The following ZNF112 variants were observed in gnomAD, a reference collection of about 807,000 sequenced individuals.
ZNF112 encodes the protein zinc finger protein 112 (Y14).
ZNF112 carries 37 observed loss-of-function variants against 77.7 expected under a neutral mutation model. The observed-to-expected ratio is 0.48, with a 90% CI of 0.37 to 0.63. The LOEUF (loss-of-function observed/expected upper bound fraction) is 0.63, where lower values mean the gene tolerates loss of function less well. ZNF112 is among the 20% of genes least tolerant of loss of function. ZNF112 has a pLI of 0.00. For missense variants in ZNF112, 950 were observed against 1,077.4 expected, an observed-to-expected ratio of 0.88 and a Z score of 1.66; for synonymous variants, 333 against 363.6, an observed-to-expected ratio of 0.92 and a Z score of 0.96.
chr19:44,340,570 G>C (rs1970471878), intron 1 of ZNF112, 28 bp from the exon 2 acceptor site: 19 of 1,613,306 alleles, frequency 1.2e-5, no homozygotes, highest in Non-Finnish European at 1.6e-5. Flanking sequence ...TGCACACTAA[G>C]TTTACAGAAG....
intron 3 of ZNF112, among the ~76,000 whole-genome samples, chr19:44,333,674 C>T (rs992363089): frequency 4.6e-5 from 7 of 152,294 alleles, no homozygotes; most frequent in African/African-American, 1.7e-4. Context: ...GTAAAACATG[C>T]CTCCTTCCCC....
chr19:44,347,170 G>A (rs1163996478), intron 1 of ZNF112, among the ~76,000 whole-genome samples: 2 of 151,946 alleles, frequency 1.3e-5, no homozygotes, highest in Admixed American at 6.6e-5. Flanking sequence ...GGTGTCCCTC[G>A]GCATCCCTGG....
intron 1 of ZNF112, among the ~76,000 whole-genome samples, chr19:44,355,843 C>T (rs1231157434): frequency 2.0e-5 from 3 of 152,172 alleles, no homozygotes; most frequent in Non-Finnish European, 4.4e-5. Context: ...CAGAATTTGC[C>T]AGTGAATGAT....
chr19:44,356,828 T>C (rs982586933), upstream of ZNF112: 3 of 152,404 alleles, frequency 2.0e-5, no homozygotes, highest in East Asian at 1.9e-4. Context: ...TCCACTTATC[T>C]GCCTGCCTAG....
chr19:44,362,326 C>T (rs1472019514), intron 1 of ZNF112, among the ~76,000 whole-genome samples: 1 of 151,848 alleles, frequency 6.6e-6, no homozygotes, highest in Non-Finnish European at 1.5e-5. Context: ...CACTTGCAGA[C>T]ATTGAGAAAT....
Position 44,328,146 on chromosome 19 carries a change from C to T in ZNF112, c.2011G>A (p.Ala671Thr). Reference sequence around the variant, plus strand: ...CTCTGATGGGCCAAAAGTGTTGAGGCCTTACTGAAGCCTTTACCACATTCT... The same window carrying T: ...CTCTGATGGGCCAAAAGTGTTGAGGTCTTACTGAAGCCTTTACCACATTCT... ...CEECGKGFSK[A>T]STLLAHQRVH... The change falls in exon 4 of 4, where the codon GCC (alanine) becomes ACC (threonine). Residue 671 changes from alanine to threonine, a missense_variant. By Grantham distance (58) the Ala-to-Thr change is moderately conservative (BLOSUM62 0). This residue lies in a region of ZNF112 where 373 missense variants were observed against 482.8 expected (regional missense o/e 0.77). Transcript: ENST00000354340. 6.2e-7 allele frequency: 1 copy of T among 1,613,350 alleles called. No homozygotes were observed. Among genetic ancestry groups the T allele is most frequent in the Non-Finnish European group, 8.5e-7 (1 of 1,179,786 alleles).
At chr19:44,353,218 A>G (rs1260329142) in intron 1 of ZNF112, among the ~76,000 whole-genome samples, 1 of 152,102 alleles carries the variant, frequency 6.6e-6, no homozygotes, top group East Asian at 1.9e-4. Flanking sequence ...TATGTAAAGA[A>G]ATAAAACCCA....
At chr19:44,337,976 TAAAAA>T (rs145125077) in intron 2 of ZNF112, among the ~76,000 whole-genome samples, 1 of 104,534 alleles carries the variant, frequency 9.6e-6, no homozygotes. Flanking sequence ...ATTCCCCAGT[TAAAAA>T]AAAAAAAAAA....
chr19:44,335,993 A>T (rs1970358278), intron 3 of ZNF112, among the ~76,000 whole-genome samples: 1 of 152,198 alleles, frequency 6.6e-6, no homozygotes, highest in South Asian at 2.1e-4. Flanking sequence ...AGAGTATGGG[A>T]CAGAATGGGA....
intron 1 of ZNF112, among the ~76,000 whole-genome samples, chr19:44,352,890 G>GA (rs1970718331): frequency 6.6e-6 from 1 of 152,004 alleles, no homozygotes; most frequent in African/African-American, 2.4e-5. Context: ...CAATGAACTG[G>GA]AAAACTCAAT....
chr19:44,341,042 C>G, intron 1 of ZNF112: 1 of 426,106 alleles, frequency 2.3e-6, no homozygotes, highest in Non-Finnish European at 4.6e-6. Context: ...TCTGGGCGCT[C>G]TGCCCAATGC....
intron 1 of ZNF112, among the ~76,000 whole-genome samples, chr19:44,340,832 C>T (rs1970476393): frequency 1.3e-5 from 2 of 152,168 alleles, no homozygotes; most frequent in African/African-American, 2.4e-5. Flanking sequence ...TCATTTGCTC[C>T]ACAAAAGCTT....
At position 44,329,194 on chromosome 19, in the gene ZNF112, C is replaced by A. The variant is rs747464250; in HGVS notation, c.963G>T (p.Glu321Asp). The A allele has an allele frequency of 1.9e-6, 3 of 1,613,714 alleles. No individual in the cohort carries two copies. The highest frequency in any genetic ancestry group is 2.5e-6 in the Non-Finnish European group (3 of 1,179,986). ...ATTCACCACATTTGCATGGTTTCTC[C>A]TCTGTATGCACTCTCTGATAGGATT... Reference protein sequence around the residue: ...HLKSYQRVHTEEKPCKCGEYG... With the variant: ...HLKSYQRVHTDEKPCKCGEYG... Residue 321 changes from glutamate to aspartate, a missense_variant, in exon 4 of 4, where the codon GAG (glutamate) becomes GAT (aspartate). By Grantham distance (45) the Glu-to-Asp change is conservative. Transcript: ENST00000354340.
At position 44,328,878 on chromosome 19, in the gene ZNF112, G is replaced by A. The variant is rs1160479601; in HGVS notation, c.1279C>T (p.Gln427Ter). ...SFICSSNLDI[Q>*]HRVHMEENSY... The stretch of plus-strand genomic sequence containing the variant: ...TTCTCTTCCATATGAACCCTATGCT[G>A]AATGTCAAGATTTGAACTACAAATG... Residue 427 changes from glutamine to a stop codon, truncating the protein, a stop_gained, in exon 4 of 4, where the codon CAG (glutamine) becomes TAG (stop). Coordinates refer to ENST00000354340, the MANE Select transcript of ZNF112 (RefSeq NM_013380.4). LOFTEE classifies it high-confidence loss of function. The A allele has an allele frequency of 3.1e-6, 5 of 1,613,978 alleles. No homozygotes were observed. The highest frequency in any genetic ancestry group is 4.2e-6 in the Non-Finnish European group (5 of 1,179,976).
intron 1 of ZNF112, among the ~76,000 whole-genome samples, chr19:44,342,587 CACG>C (rs1970509993): frequency 6.6e-6 from 1 of 152,062 alleles, no homozygotes; most frequent in Non-Finnish European, 1.5e-5. Context: ...GAGGCTGAGG[CACG>C]TAGATCACGA....
Position 44,327,532 on chromosome 19 carries a change from T to G in ZNF112, c.2625A>C (p.Arg875Ser), listed in dbSNP as rs756197817. ...RWSSGLLIHQ[R>S]VHSSDKFYKS... is the part of the protein sequence containing the mutation. The stretch of plus-strand genomic sequence containing the variant: ...TATAGAATTTATCACTACTATGGAC[T>G]CTTTGATGAATGAGAAGACCTGAGC... Residue 875 changes from arginine to serine, a missense_variant, in exon 4 of 4, where the codon AGA (arginine) becomes AGC (serine). Transcript: ENST00000354340. 1.2e-6 allele frequency: 2 copies of G among 1,614,034 alleles called. No homozygotes were observed. The highest frequency in any genetic ancestry group is 4.5e-5 in the East Asian group (2 of 44,876).
chr19:44,343,044 C>T (rs1223195546), intron 1 of ZNF112, among the ~76,000 whole-genome samples: 1 of 151,932 alleles, frequency 6.6e-6, no homozygotes, highest in Admixed American at 6.6e-5. Flanking sequence ...CTTCTTTGTA[C>T]TATTATTTAT....
chr19:44,330,123 T>C (rs957752414), intron 3 of ZNF112, among the ~76,000 whole-genome samples, 187 bp from the exon 4 acceptor site: 3 of 152,264 alleles, frequency 2.0e-5, no homozygotes, highest in Admixed American at 6.5e-5. Flanking sequence ...GTATTCTCAA[T>C]CCAAAAATCT....
At chr19:44,337,840 TAC>T (rs71171235) in intron 2 of ZNF112, among the ~76,000 whole-genome samples, 474 of 47,314 alleles carry the variant, frequency 0.01, 4 homozygotes, top group East Asian at 0.015. Flanking sequence ...TACATACACA[TAC>T]ACACACACAC....
Sources: allele counts gnomAD v4.1 joint callset (sites outside exome capture counted in the v4.1 genomes callset), GRCh38; gene constraint gnomAD v4.1.1; regional missense constraint gnomAD v4.1.1; transcripts MANE v1.5; gene names NCBI Gene and HGNC (gene_info 2026-07-23, HGNC 2026-07-21).